CD28: variants seen among roughly 807,000 people sequenced by gnomAD.
CD28 encodes T-cell-specific surface glycoprotein CD28.
CD28 carries 8 observed loss-of-function variants against 21.4 expected under a neutral mutation model. The ratio of observed to expected loss-of-function variants is 0.37; its 90% CI spans 0.22 to 0.68. The LOEUF (loss-of-function observed/expected upper bound fraction) is 0.68, where lower values mean the gene tolerates loss of function less well. CD28 is among the 30% of genes least tolerant of loss of function. CD28 has a pLI of 0.55. For synonymous variants in CD28, 106 were observed against 104.0 expected (o/e 1.02, Z -0.12); for missense variants, 239 against 272.2 (o/e 0.88, Z 0.86).
chr2:203,734,732 G>A (rs1302339778), intron 3 of CD28, 52 bp from the exon 4 acceptor site: 4 of 1,607,488 alleles, frequency 2.5e-6, no homozygotes, highest in Non-Finnish European at 3.4e-6. Flanking sequence ...CACAGTCTTA[G>A]AACTCCTTCC....
chr2:203,726,851 G>A lies in CD28; in HGVS notation c.271G>A (p.Gly91Ser). 1 of 1,614,028 alleles carries A rather than the reference G, an allele frequency of 6.2e-7. No individual in the cohort carries two copies. The highest frequency in any genetic ancestry group is 1.1e-5 in the South Asian group (1 of 91,062). The change falls in exon 2 of 4, where the codon GGC (glycine) becomes AGC (serine). Residue 91 changes from glycine (G) to serine (S), a missense_variant. Transcript: ENST00000324106. The part of the protein sequence containing the change: ...KTGFNCDGKL[G>S]NESVTFYLQN... ...GGGGTTCAACTGTGATGGGAAATTG[G>A]GCAATGAATCAGTGACATTCTACCT...
chr2:203,715,225 C>T (rs968519190), intron 1 of CD28, among the ~76,000 whole-genome samples: 15 of 151,884 alleles, frequency 9.9e-5, no homozygotes, highest in Admixed American at 3.3e-4. Flanking sequence ...TCTTTTGATC[C>T]GTTAACTGAA....
At position 203,738,874 on chromosome 2, in the gene CD28, A is replaced by G. The variant is rs899841632; in HGVS notation, c.*3962A>G. On this transcript the variant is annotated 3_prime_UTR_variant, in exon 4 of 4. Transcript: ENST00000324106. ...TTGCTGTATCTCCAGTGCCCAGAGC[A>G]GTGCCTGGTATATAATAAATATTTA... is the stretch of plus-strand genomic sequence containing the variant. 2 of 152,206 alleles carry G rather than the reference A, an allele frequency of 1.3e-5. No homozygotes were observed. Among genetic ancestry groups the G allele is most frequent in the African/African-American group, 4.8e-5 (2 of 41,444 alleles). 9.4% of individuals were successfully genotyped at this position (152,206 alleles called of 1,614,324 possible). A position where few individuals can be genotyped will look rare whatever the true frequency, so the allele number is the denominator to read the frequency against.
At chr2:203,707,640 A>G (rs1394305226) in intron 1 of CD28, among the ~76,000 whole-genome samples, 1 of 152,212 alleles carries the variant, frequency 6.6e-6, no homozygotes, top group Non-Finnish European at 1.5e-5. Flanking sequence ...TGAGCAGCAC[A>G]CAGTTCTCGT....
intron 1 of CD28, among the ~76,000 whole-genome samples, chr2:203,708,709 A>G (rs1693227090): frequency 6.6e-6 from 1 of 152,236 alleles, no homozygotes; most frequent in African/African-American, 2.4e-5. Flanking sequence ...TTTTCTAGTA[A>G]CTTTTAGCAT....
At chr2:203,713,677 A>C (rs939123418) in intron 1 of CD28, among the ~76,000 whole-genome samples, 1 of 152,200 alleles carries the variant, frequency 6.6e-6, no homozygotes, top group African/African-American at 2.4e-5. Context: ...AAACAGAGAC[A>C]GTGAAAAGGA....
chr2:203,722,073 C>T (rs145517117), intron 1 of CD28, among the ~76,000 whole-genome samples: 2 of 152,252 alleles, frequency 1.3e-5, no homozygotes, highest in East Asian at 3.9e-4. Flanking sequence ...TTCTCATTCC[C>T]ATCTTTTTCT....
At chr2:203,706,798 C>A in intron 1 of CD28, 50 bp downstream of exon 1, 1 of 1,369,920 alleles carries the variant, frequency 7.3e-7, no homozygotes, top group South Asian at 1.2e-5. Flanking sequence ...TGAGGTCTTC[C>A]AATTGGCTTA....
At chr2:203,725,222 G>A (rs1372325326) in intron 1 of CD28, among the ~76,000 whole-genome samples, 1 of 151,804 alleles carries the variant, frequency 6.6e-6, no homozygotes, top group Non-Finnish European at 1.5e-5. Flanking sequence ...CCCAGAGGGC[G>A]GAGGTTGCAG....
At chr2:203,731,754 C>G (rs553418978) in intron 3 of CD28, among the ~76,000 whole-genome samples, 33 of 152,316 alleles carry the variant, frequency 2.2e-4, no homozygotes, top group Non-Finnish European at 3.7e-4. Flanking sequence ...CATAGACACA[C>G]TGGGTTTTTC....
At chr2:203,717,981 AT>A (rs1025609328) in intron 1 of CD28, among the ~76,000 whole-genome samples, 7 of 152,050 alleles carry the variant, frequency 4.6e-5, no homozygotes, top group African/African-American at 1.7e-4. Context: ...TATTATTACC[AT>A]TTTTTCATTT....
intron 1 of CD28, among the ~76,000 whole-genome samples, chr2:203,709,350 TTAA>T (rs1405995432): frequency 6.6e-6 from 1 of 152,154 alleles, no homozygotes; most frequent in Non-Finnish European, 1.5e-5. Flanking sequence ...TTCCATTAAT[TTAA>T]TAATGTGTGT....
At chr2:203,719,072 AT>A (rs934293723) in intron 1 of CD28, among the ~76,000 whole-genome samples, 37 of 152,126 alleles carry the variant, frequency 2.4e-4, no homozygotes, top group African/African-American at 8.0e-4. Flanking sequence ...TTGGAAATGT[AT>A]TTTTTTCTAG....
At chr2:203,722,420 A>G (rs1439241234) in intron 1 of CD28, among the ~76,000 whole-genome samples, 3 of 152,252 alleles carry the variant, frequency 2.0e-5, no homozygotes, top group African/African-American at 2.4e-5. Context: ...TTTGCAAAAT[A>G]TTTGTGGAAC....
At chr2:203,732,248 T>C (rs1693913778) in intron 3 of CD28, among the ~76,000 whole-genome samples, 1 of 152,130 alleles carries the variant, frequency 6.6e-6, no homozygotes, top group Non-Finnish European at 1.5e-5. Context: ...GTTTCTAGGC[T>C]GAGCGGGTTT....
intron 1 of CD28, among the ~76,000 whole-genome samples, chr2:203,713,031 T>C (rs1264823742): frequency 1.3e-5 from 2 of 152,192 alleles, no homozygotes; most frequent in African/African-American, 4.8e-5. Flanking sequence ...ATGGTCTTGC[T>C]CTGGGGTTCA....
intron 1 of CD28, among the ~76,000 whole-genome samples, chr2:203,708,303 T>C (rs567931805): frequency 1.3e-5 from 2 of 152,346 alleles, no homozygotes; most frequent in African/African-American, 4.8e-5. Context: ...TGAGATCTGG[T>C]ACCAAGCGTT....
Position 203,726,960 on chromosome 2 carries a change from A to G in CD28, c.380A>G (p.Lys127Arg). 1.9e-6 allele frequency: 3 copies of G among 1,603,020 alleles called. No homozygotes were observed. Among genetic ancestry groups the G allele is most frequent in the Non-Finnish European group, 2.6e-6 (3 of 1,169,926 alleles). ...MYPPPYLDNE[K>R]SNGTIIHVKG... ...CCTCCTCCTTACCTAGACAATGAGA[A>G]GAGCAATGGAACCATTATCCATGTG... Residue 127 changes from lysine to arginine, a missense_variant, in exon 2 of 4, where the codon AAG (lysine) becomes AGG (arginine). Transcript: ENST00000324106.
intron 1 of CD28, among the ~76,000 whole-genome samples, chr2:203,709,492 G>A (rs1397158066): frequency 6.6e-6 from 1 of 152,222 alleles, no homozygotes; most frequent in Non-Finnish European, 1.5e-5. Flanking sequence ...TGAGTTGGAT[G>A]ACAGTGTAGA....
Sources: allele counts gnomAD v4.1 joint callset (sites outside exome capture counted in the v4.1 genomes callset), GRCh38; gene constraint gnomAD v4.1.1; transcripts MANE v1.5; gene names NCBI Gene and HGNC (gene_info 2026-07-23, HGNC 2026-07-21).